Variants in KCNIP4 observed in about 807,000 individuals in gnomAD.
KCNIP4 encodes the protein potassium voltage-gated channel interacting protein 4.
A neutral mutation model predicts 34.0 loss-of-function variants in KCNIP4; 12 were observed. That is an observed-to-expected ratio of 0.35 (90% CI 0.23 to 0.57). The LOEUF is 0.57. Among genes scored for constraint, KCNIP4 ranks in the 20% least tolerant of loss-of-function variants. The pLI is 0.83. For missense variants in KCNIP4, 238 were observed against 311.7 expected (o/e 0.76, Z 1.78); for synonymous variants, 124 against 102.2 (o/e 1.21, Z -1.29).
At chr4:21,134,311 TCTC>T (rs1751330456) in intron 1 of KCNIP4, among the ~76,000 whole-genome samples, 1 of 152,188 alleles carries the variant, frequency 6.6e-6, no homozygotes, top group Admixed American at 6.5e-5. Flanking sequence ...AAACATATTT[TCTC>T]CTTCTTTTAA....
At chr4:20,836,860 T>C (rs74348955) in intron 3 of KCNIP4, among the ~76,000 whole-genome samples, 2,649 of 145,178 alleles carry the variant, frequency 0.018, 74 homozygotes, top group African/African-American at 0.061. Context: ...GTCTCTTTCA[T>C]AGAGTTCTCT....
intron 1 of KCNIP4, among the ~76,000 whole-genome samples, chr4:21,283,672 G>C (rs1762922337): frequency 1.0e-5 from 1 of 95,680 alleles, no homozygotes; most frequent in Non-Finnish European, 1.9e-5. Context: ...AGGGGGGAGG[G>C]ATAGCATTAG....
chr4:21,158,827 A>G (rs1048092752), intron 1 of KCNIP4, among the ~76,000 whole-genome samples: 1 of 152,206 alleles, frequency 6.6e-6, no homozygotes, highest in Non-Finnish European at 1.5e-5. Flanking sequence ...AGCATGAAGA[A>G]GATATATTTA....
intron 1 of KCNIP4, among the ~76,000 whole-genome samples, chr4:21,773,487 C>G (rs947695659): frequency 3.9e-5 from 6 of 152,116 alleles, no homozygotes; most frequent in Admixed American, 2.6e-4. Context: ...TTTTGTTTCT[C>G]TTTGATCTGT....
chr4:21,405,185 C>T (rs1396896696), intron 1 of KCNIP4, among the ~76,000 whole-genome samples: 4 of 152,112 alleles, frequency 2.6e-5, no homozygotes, highest in African/African-American at 4.8e-5. Flanking sequence ...AGTAATTTTC[C>T]GTCCACTAAC....
At chr4:21,248,091 T>A (rs560187581) in intron 1 of KCNIP4, among the ~76,000 whole-genome samples, 1 of 146,500 alleles carries the variant, frequency 6.8e-6, no homozygotes, top group East Asian at 2.0e-4. Flanking sequence ...CTGCACAGCA[T>A]GAGTACACAT....
chr4:21,210,544 T>C (rs1173028281), intron 1 of KCNIP4, among the ~76,000 whole-genome samples: 1 of 152,174 alleles, frequency 6.6e-6, no homozygotes, highest in East Asian at 1.9e-4. Context: ...AAAAATCTTA[T>C]AGCAGAAAAA....
At chr4:21,250,353 T>G (rs1760614193) in intron 1 of KCNIP4, among the ~76,000 whole-genome samples, 1 of 152,168 alleles carries the variant, frequency 6.6e-6, no homozygotes, top group Non-Finnish European at 1.5e-5. Context: ...CATAGCACAA[T>G]TATTTGTGTA....
intron 1 of KCNIP4, among the ~76,000 whole-genome samples, chr4:21,682,008 C>T (rs2109025571): frequency 6.6e-6 from 1 of 152,120 alleles, no homozygotes; most frequent in East Asian, 1.9e-4. Context: ...CCTACCTCAG[C>T]TTACTGAGTG....
chr4:20,804,867 C>T (rs528386904), intron 3 of KCNIP4, among the ~76,000 whole-genome samples: 3 of 152,166 alleles, frequency 2.0e-5, no homozygotes, highest in Non-Finnish European at 2.9e-5. Context: ...TTCTGATACT[C>T]GATTTAATTT....
At chr4:21,308,657 C>T (rs191879775) in intron 1 of KCNIP4, among the ~76,000 whole-genome samples, 80 of 152,204 alleles carry the variant, frequency 5.3e-4, no homozygotes, top group African/African-American at 1.1e-3. Context: ...AAAGATTTCT[C>T]GCCCTTTCTG....
chr4:21,222,310 G>A (rs910771467), intron 1 of KCNIP4, among the ~76,000 whole-genome samples: 2 of 152,050 alleles, frequency 1.3e-5, no homozygotes, highest in African/African-American at 4.8e-5. Context: ...AGGAAGCACT[G>A]GTCTTAAAGA....
intron 1 of KCNIP4, among the ~76,000 whole-genome samples, chr4:21,901,046 C>G (rs1727677349): frequency 6.6e-6 from 1 of 152,160 alleles, no homozygotes; most frequent in South Asian, 2.1e-4. Context: ...CAGAAAGATT[C>G]AAAGATCATG....
chr4:21,664,354 A>C (rs1350350059), intron 1 of KCNIP4, among the ~76,000 whole-genome samples: 2 of 152,108 alleles, frequency 1.3e-5, no homozygotes, highest in Non-Finnish European at 2.9e-5. Flanking sequence ...TAGACCTGTC[A>C]AACAAAAAAC....
chr4:21,524,602 C>A (rs1277865523), intron 1 of KCNIP4, among the ~76,000 whole-genome samples: 3 of 152,006 alleles, frequency 2.0e-5, no homozygotes, highest in East Asian at 1.9e-4. Flanking sequence ...AACACTTATT[C>A]GTTCTTTAGG....
intron 1 of KCNIP4, among the ~76,000 whole-genome samples, chr4:21,553,483 G>C (rs1187397225): frequency 1.3e-5 from 2 of 152,110 alleles, no homozygotes; most frequent in South Asian, 4.1e-4. Flanking sequence ...TGGAGACTGA[G>C]ATGGGCCTCA....
Position 21,827,349 on chromosome 4 carries a change from C to T in KCNIP4, c.61+121222G>A, listed in dbSNP as rs561233960. ...TAAAACTGCAACCTAGGAGACTTAA[C>T]AACAGAGTAAAATCAATGGAGTAAA... is the stretch of plus-strand genomic sequence containing the variant. On this transcript the variant is annotated intron_variant, in intron 1 of 8. Coordinates refer to ENST00000382152, the MANE Select transcript of KCNIP4 (RefSeq NM_025221.6). Among the ~76,000 whole-genome samples the T allele has an allele frequency of 1.6e-4, 25 of 152,074 alleles. No individual in the cohort carries two copies. The East Asian group carries it at 4.7e-3, about 28-fold the overall frequency.
rs541773903 is a variant in KCNIP4, at chr4:21,545,506, G to C, written c.61+403065C>G. 1.5e-4 allele frequency among the ~76,000 whole-genome samples: 23 copies of C among 152,214 alleles called. 1 individual carries two copies. The East Asian group carries it at 4.3e-3, about 28-fold the overall frequency. On this transcript the variant is annotated intron_variant, in intron 1 of 8. Transcript: ENST00000382152. Reference sequence around the variant, plus strand: ...ACCCATCAACCTGTCACCTACATTAGGTATTTGTCCTAATGCTCTCCCTCC... The same window carrying C: ...ACCCATCAACCTGTCACCTACATTACGTATTTGTCCTAATGCTCTCCCTCC...
chr4:20,916,772 CAACAGTTAAGCCA>C lies in KCNIP4; in HGVS notation c.62-34076_62-34064del, dbSNP rs367626790. 1.7e-3 allele frequency among the ~76,000 whole-genome samples: 259 copies of C among 151,748 alleles called. 1 individual carries two copies. The highest frequency in any genetic ancestry group is 5.8e-3 in the African/African-American group (239 of 41,384). On this transcript the variant is annotated intron_variant, in intron 1 of 8. Coordinates refer to ENST00000382152, the MANE Select transcript of KCNIP4 (RefSeq NM_025221.6). Reference sequence around the variant, plus strand: ...GTTTTCAGTCTTAACTCTTTTGCAGCAACAGTTAAGCCAAACCCATAATGGAGGAACATTTTTC... The same window carrying C: ...GTTTTCAGTCTTAACTCTTTTGCAGCAACCCATAATGGAGGAACATTTTTC...
Sources: allele counts gnomAD v4.1 joint callset (sites outside exome capture counted in the v4.1 genomes callset), GRCh38; gene constraint gnomAD v4.1.1; transcripts MANE v1.5; gene names NCBI Gene and HGNC (gene_info 2026-07-23, HGNC 2026-07-21).